The following CFTR variants were observed in gnomAD, a reference collection of about 807,000 sequenced individuals.
CFTR encodes cystic fibrosis transmembrane conductance regulator.
In CFTR, 181 loss-of-function variants were observed where a neutral mutation model predicts 171.6. The ratio of observed to expected loss-of-function variants is 1.05; its 90% CI spans 0.93 to 1.19. The LOEUF is 1.19. Among genes scored for constraint, CFTR ranks in the 50% most tolerant of loss-of-function variants. The pLI is 0.00. For synonymous variants in CFTR, 583 were observed against 608.0 expected, an observed-to-expected ratio of 0.96 and a Z score of 0.60; for missense variants, 1,968 against 1,734.7, an observed-to-expected ratio of 1.13 and a Z score of -2.39.
intron 11 of CFTR, among the ~76,000 whole-genome samples, chr7:117,572,156 C>A (rs1180700149): frequency 6.6e-6 from 1 of 152,102 alleles, no homozygotes; most frequent in Non-Finnish European, 1.5e-5. Flanking sequence ...CACCTGCCAC[C>A]AGGTCCAGCT....
intron 10 of CFTR, among the ~76,000 whole-genome samples, chr7:117,557,208 T>G (rs892583735): frequency 6.6e-6 from 1 of 152,144 alleles, no homozygotes; most frequent in Non-Finnish European, 1.5e-5. Context: ...AGGGAAAATT[T>G]AACATTTTCC....
rs121908749 is a variant in CFTR at position 117,509,092 on chromosome 7, C to T, written c.223C>T (p.Arg75Ter). Residue 75 changes from arginine to a stop codon, truncating the protein, a stop_gained, in exon 3 of 27, where the codon CGA becomes TGA. Coordinates refer to ENST00000003084, the MANE Select transcript of CFTR (RefSeq NM_000492.4). LOFTEE classifies it high-confidence loss of function. ...KNPKLINALR[R>*]CFFWRFMFYG... ...TCCTAAACTCATTAATGCCCTTCGG[C>T]GATGTTTTTTCTGGAGATTTATGTT... 19 of 1,612,538 alleles carry T rather than the reference C, an allele frequency of 1.2e-5. No individual in the cohort carries two copies. The highest frequency in any genetic ancestry group is 8.8e-5 in the South Asian group (8 of 91,052).
intron 15 of CFTR, among the ~76,000 whole-genome samples, chr7:117,601,222 G>A (rs765194334): frequency 4.6e-5 from 7 of 151,892 alleles, no homozygotes; most frequent in Non-Finnish European, 5.9e-5. Context: ...TGAGTAATTC[G>A]ATTATTCTTA....
At chr7:117,617,589 T>TA (rs112344805) in intron 21 of CFTR, among the ~76,000 whole-genome samples, 80 of 147,460 alleles carry the variant, frequency 5.4e-4, no homozygotes, top group Admixed American at 1.6e-3. Context: ...TTTAAAAATC[T>TA]AAAAAAAAAA....
At chr7:117,584,939 GTTTTGT>G (rs1791907837) in intron 11 of CFTR, among the ~76,000 whole-genome samples, 1 of 149,508 alleles carries the variant, frequency 6.7e-6, no homozygotes, top group South Asian at 2.1e-4. Context: ...TGTTTGTTTT[GTTTTGT>G]TTTGTTTTGT....
rs3832534 is a variant in CFTR, at chr7:117,548,606, ATG to A, written c.1210-13_1210-12del. ...CTGACAAACTCATCTTTTATTTTTG[ATG>A]TGTGTGTGTGTGTGTGTGTGTTTTT... is the stretch of plus-strand genomic sequence containing the variant. On this transcript the variant is annotated intron_variant, in intron 9 of 26. Transcript: ENST00000003084. 280,787 of 1,335,714 alleles carry A rather than the reference ATG, an allele frequency of 0.21. 17,978 individuals are homozygous for A. Among genetic ancestry groups the A allele is most frequent in the African/African-American group, 0.44 (31,054 of 70,110 alleles). The allele number at this position is 1,335,714 out of a possible 1,614,324, so 82.7% of individuals were successfully genotyped here.
rs567583389 is a variant in CFTR at position 117,552,085 on chromosome 7, CATAT to C, written c.1392+3269_1392+3272del. Among the ~76,000 whole-genome samples, 919 of 152,026 alleles carry C rather than the reference CATAT, an allele frequency of 6.0e-3. 10 individuals are homozygous for C. Among genetic ancestry groups the C allele is most frequent in the African/African-American group, 0.021 (878 of 41,456 alleles). On this transcript the variant is annotated intron_variant, in intron 10 of 26. Coordinates refer to ENST00000003084, the MANE Select transcript of CFTR (RefSeq NM_000492.4). ...TTGAATATATATATATACACACACACATATATATATGACACTATACATGATTTAT... is the reference window on the plus strand; with the variant it reads ...TTGAATATATATATATACACACACACATATATGACACTATACATGATTTAT...
intron 17 of CFTR, among the ~76,000 whole-genome samples, chr7:117,605,599 G>A (rs1792288681): frequency 6.6e-6 from 1 of 152,172 alleles, no homozygotes; most frequent in African/African-American, 2.4e-5. Context: ...CCAGCTGGAG[G>A]AAACACTGAT....
At chr7:117,590,486 A>G (rs1188137273) in intron 13 of CFTR, 47 bp downstream of exon 13, 3 of 1,570,746 alleles carry the variant, frequency 1.9e-6, no homozygotes, top group East Asian at 2.3e-5. Flanking sequence ...CTAAAATAAA[A>G]GAAAGACAGA....
At chr7:117,599,785 T>C (rs1792193810) in intron 15 of CFTR, among the ~76,000 whole-genome samples, 1 of 152,100 alleles carries the variant, frequency 6.6e-6, no homozygotes, top group South Asian at 2.1e-4. Context: ...TGAATCAAAA[T>C]TTACATAGTT....
chr7:117,664,520 G>C (rs2116220220), intron 24 of CFTR, among the ~76,000 whole-genome samples, 168 bp from the exon 25 acceptor site: 1 of 152,312 alleles, frequency 6.6e-6, no homozygotes, highest in Admixed American at 6.5e-5. Flanking sequence ...AGCTGTCAAG[G>C]TTGTAAATAG....
intron 11 of CFTR, among the ~76,000 whole-genome samples, chr7:117,582,049 T>C (rs904414738): frequency 3.9e-5 from 6 of 152,144 alleles, no homozygotes; most frequent in Non-Finnish European, 5.9e-5. Flanking sequence ...AGCCACCATG[T>C]CCAGCCAAGT....
intron 3 of CFTR, among the ~76,000 whole-genome samples, chr7:117,523,211 G>GCA: frequency 6.6e-6 from 1 of 152,194 alleles, no homozygotes; most frequent in Admixed American, 6.5e-5. Flanking sequence ...ACCAGGTATG[G>GCA]TGGCATGAGC....
At chr7:117,608,180 T>G (rs213979) in intron 18 of CFTR, among the ~76,000 whole-genome samples, 28,541 of 151,814 alleles carry the variant, frequency 0.19, 2,862 homozygotes, top group Non-Finnish European at 0.21. Flanking sequence ...TTTTTTCTTT[T>G]ATGCCAGTTT....
At chr7:117,573,365 G>A (rs1163377244) in intron 11 of CFTR, among the ~76,000 whole-genome samples, 1 of 152,048 alleles carries the variant, frequency 6.6e-6, no homozygotes, top group Non-Finnish European at 1.5e-5. Flanking sequence ...ATTCTCAAGT[G>A]CTTTACAATC....
Position 117,536,553 on chromosome 7 carries a change from A to G in CFTR, c.749A>G (p.Gln250Arg), listed in dbSNP as rs1243449721. The G allele has an allele frequency of 1.9e-6, 3 of 1,587,212 alleles. No homozygotes were observed. Among genetic ancestry groups the G allele is most frequent in the Non-Finnish European group, 2.6e-6 (3 of 1,164,580 alleles). The change falls in exon 7 of 27, where the codon CAG becomes CGG. Residue 250 changes from glutamine to arginine, a missense_variant. Transcript: ENST00000003084. ...ATTGATTGATTGATTTACAGAGATC[A>G]GAGAGCTGGGAAGATCAGTGAAAGA... ...LGRMMMKYRD[Q>R]RAGKISERLV... is the part of the protein sequence containing the mutation.
At position 117,611,610 on chromosome 7, in the gene CFTR, A is replaced by G. The variant is rs397508511; in HGVS notation, c.3169A>G (p.Thr1057Ala). The change falls in exon 20 of 27, where the codon ACA becomes GCA. Residue 1057 changes from threonine to alanine, a missense_variant. Coordinates refer to ENST00000003084, the MANE Select transcript of CFTR (RefSeq NM_000492.4). Reference sequence around the variant, plus strand: ...GAGTCCAATTTTCACTCATCTTGTTACAAGCTTAAAAGGACTATGGACACT... The same window carrying G: ...GAGTCCAATTTTCACTCATCTTGTTGCAAGCTTAAAAGGACTATGGACACT... ...GRSPIFTHLV[T>A]SLKGLWTLRA... 1.7e-5 allele frequency: 27 copies of G among 1,612,458 alleles called. No homozygotes were observed. The highest frequency in any genetic ancestry group is 1.0e-4 in the Admixed American group (6 of 59,848).
intron 3 of CFTR, among the ~76,000 whole-genome samples, chr7:117,519,691 T>C (rs1798655526): frequency 6.6e-6 from 1 of 152,040 alleles, no homozygotes; most frequent in Non-Finnish European, 1.5e-5. Flanking sequence ...ATAATGTGCA[T>C]ATTAATCTGC....
chr7:117,571,649 C>T (rs901408886), intron 11 of CFTR, among the ~76,000 whole-genome samples: 2 of 151,978 alleles, frequency 1.3e-5, no homozygotes, highest in East Asian at 1.9e-4. Flanking sequence ...ATATTATTTC[C>T]GAACCTACCC....
Sources: allele counts gnomAD v4.1 joint callset (sites outside exome capture counted in the v4.1 genomes callset), GRCh38; gene constraint gnomAD v4.1.1; transcripts MANE v1.5; gene names NCBI Gene and HGNC (gene_info 2026-07-23, HGNC 2026-07-21).